Variants in EYS observed in about 807,000 individuals in gnomAD.
EYS encodes the protein EGF-like photoreceptor maintenance factor.
In EYS, 250 loss-of-function variants were observed where a neutral mutation model predicts 282.1. That is an observed-to-expected ratio of 0.89 (90% CI 0.80 to 0.98). EYS has a LOEUF of 0.98. Ranked by LOEUF, EYS falls within the 50% of genes least tolerant of loss-of-function variation. EYS has a pLI of 0.00. For missense variants in EYS, 4,016 were observed against 3,709.0 expected (o/e 1.08, Z -2.15); for synonymous variants, 1,355 against 1,282.9 (o/e 1.06, Z -1.20).
At position 63,808,913 on chromosome 6, in the gene EYS, T is replaced by G. The variant is rs184587833; in HGVS notation, c.7229-2541A>C. 2.6e-3 allele frequency among the ~76,000 whole-genome samples: 396 copies of G among 152,268 alleles called. 1 individual carries two copies. Among genetic ancestry groups the G allele is most frequent in the Non-Finnish European group, 3.9e-3 (267 of 68,016 alleles). ...AATAAAATATATTACTAAAATAAAT[T>G]TCACCTGTTTCTTTTAACTTTGAAA... is the stretch of plus-strand genomic sequence containing the variant. On this transcript the variant is annotated intron_variant, in intron 36 of 42. Transcript: ENST00000503581.
chr6:65,391,933 A>G (rs1401558646), intron 7 of EYS, among the ~76,000 whole-genome samples: 3 of 152,172 alleles, frequency 2.0e-5, no homozygotes, highest in African/African-American at 4.8e-5. Context: ...CTACAAGGCT[A>G]TAGTAACCAA....
chr6:65,670,300 TCCTTTTGCATGGATGGA>T (rs1768352509), intron 1 of EYS, among the ~76,000 whole-genome samples: 1 of 152,096 alleles, frequency 6.6e-6, no homozygotes, highest in Admixed American at 6.6e-5. Context: ...GTTGCATATC[TCCTTTTGCATGGATGGA>T]CCTTTTGGTT....
intron 5 of EYS, among the ~76,000 whole-genome samples, chr6:65,480,615 C>T (rs545191412): frequency 1.3e-5 from 2 of 152,078 alleles, no homozygotes; most frequent in African/African-American, 4.8e-5. Flanking sequence ...TTAAAAATAA[C>T]CAAAGGACAT....
rs1765724299 is a variant in EYS, at chr6:65,384,398, A to C, written c.1287T>G (p.Ile429Met). 1.9e-6 allele frequency: 3 copies of C among 1,595,666 alleles called. No homozygotes were observed. In the South Asian group the frequency reaches 3.3e-5, roughly 18 times the overall value. ...CLNEEWCFNI[I>M]GRFKYVCIPG... The stretch of plus-strand genomic sequence containing the variant: ...TTAAATTACTTACTTTGAATCTTCC[A>C]ATTATATTGAAACACCATTCTTCAT... Residue 429 changes from isoleucine (I) to methionine (M), a missense_variant, in exon 8 of 43, where the codon ATT (isoleucine) becomes ATG (methionine). Physicochemically the swap from Ile to Met is conservative, Grantham distance 10 (BLOSUM62 1). Transcript: ENST00000503581.
At chr6:65,214,158 CAAAAAAAAAAAAAAAA>C (rs58213904) in intron 12 of EYS, among the ~76,000 whole-genome samples, 1 of 29,242 alleles carries the variant, frequency 3.4e-5, no homozygotes, top group Non-Finnish European at 5.5e-5. Context: ...GACTCCGTCT[CAAAAAAAAAAAAAAAA>C]AAAAAAAAAA....
At chr6:65,290,911 T>C (rs1437978276) in intron 12 of EYS, among the ~76,000 whole-genome samples, 2 of 151,378 alleles carry the variant, frequency 1.3e-5, no homozygotes, top group Non-Finnish European at 3.0e-5. Flanking sequence ...GATAGTGAAA[T>C]CTAAAGTCCT....
chr6:64,423,997 G>T (rs1228177167), intron 28 of EYS, among the ~76,000 whole-genome samples: 2 of 152,026 alleles, frequency 1.3e-5, no homozygotes, highest in African/African-American at 2.4e-5. Context: ...CTTTCATTTT[G>T]CATTCCCTTT....
At chr6:65,164,399 A>G (rs1764923386) in intron 12 of EYS, among the ~76,000 whole-genome samples, 1 of 149,802 alleles carries the variant, frequency 6.7e-6, no homozygotes. Context: ...CTACGATTAT[A>G]CTTTTACTGC....
At chr6:64,305,862 T>A (rs995639224) in intron 30 of EYS, among the ~76,000 whole-genome samples, 3 of 151,862 alleles carry the variant, frequency 2.0e-5, no homozygotes, top group African/African-American at 7.3e-5. Flanking sequence ...GCACAGGCAA[T>A]GAAAGAAAAA....
chr6:64,063,762 C>G (rs1771264758), intron 33 of EYS, among the ~76,000 whole-genome samples: 1 of 152,142 alleles, frequency 6.6e-6, no homozygotes, highest in Admixed American at 6.5e-5. Context: ...GAGTCTTGCT[C>G]TGATCCCAAG....
At chr6:64,971,253 A>G (rs2150111182) in intron 14 of EYS, among the ~76,000 whole-genome samples, 1 of 152,096 alleles carries the variant, frequency 6.6e-6, no homozygotes, top group East Asian at 1.9e-4. Flanking sequence ...CACTGAGGAA[A>G]AATGATATTT....
chr6:64,309,257 AG>A, intron 29 of EYS, among the ~76,000 whole-genome samples: 1 of 152,306 alleles, frequency 6.6e-6, no homozygotes. Flanking sequence ...AACACATTAA[AG>A]AGCCATGAAA....
intron 26 of EYS, among the ~76,000 whole-genome samples, chr6:64,516,992 T>C (rs1472153370): frequency 6.6e-6 from 1 of 151,798 alleles, no homozygotes; most frequent in Non-Finnish European, 1.5e-5. Flanking sequence ...TAAAGATATC[T>C]CTTAATACTA....
chr6:65,490,777 C>G, intron 4 of EYS, 70 bp from the exon 5 acceptor site: 1 of 815,272 alleles, frequency 1.2e-6, no homozygotes, highest in Non-Finnish European at 2.1e-6. Context: ...TCCCTCAATT[C>G]TTTAATAATG....
chr6:65,323,030 T>C (rs961343508), intron 11 of EYS, among the ~76,000 whole-genome samples: 1 of 151,574 alleles, frequency 6.6e-6, no homozygotes, highest in African/African-American at 2.4e-5. Context: ...CATACTTATT[T>C]TCTTTACTTG....
intron 1 of EYS, among the ~76,000 whole-genome samples, chr6:65,655,699 C>T (rs1001778790): frequency 6.6e-6 from 1 of 151,680 alleles, no homozygotes; most frequent in Admixed American, 6.6e-5. Context: ...GTTGTGTTAA[C>T]TGTGTCCAGC....
At chr6:64,635,784 C>CT (rs1245820333) in intron 22 of EYS, among the ~76,000 whole-genome samples, 2 of 152,092 alleles carry the variant, frequency 1.3e-5, no homozygotes, top group Admixed American at 1.3e-4. Flanking sequence ...CAAAAATTCT[C>CT]TTTTTTGGTT....
intron 22 of EYS, among the ~76,000 whole-genome samples, chr6:64,781,558 C>T (rs1281700321): frequency 8.0e-6 from 1 of 124,320 alleles, no homozygotes; most frequent in African/African-American, 3.1e-5. Flanking sequence ...GCCTGGGCGA[C>T]AGAGCATGAC....
chr6:64,599,878 A>G (rs582535), intron 24 of EYS, among the ~76,000 whole-genome samples: 18,628 of 152,122 alleles, frequency 0.12, 1,184 homozygotes, highest in East Asian at 0.16. Flanking sequence ...ATAAAGCTAA[A>G]ACAATCTTGT....
Sources: allele counts gnomAD v4.1 joint callset (sites outside exome capture counted in the v4.1 genomes callset), GRCh38; gene constraint gnomAD v4.1.1; transcripts MANE v1.5; gene names NCBI Gene and HGNC (gene_info 2026-07-23, HGNC 2026-07-21).